Variants in BRI3 observed in about 807,000 individuals in gnomAD.
BRI3 encodes membrane protein BRI3.
A neutral mutation model predicts 12.8 loss-of-function variants in BRI3; 6 were observed. The ratio of observed to expected loss-of-function variants is 0.47; its 90% CI spans 0.26 to 0.93. BRI3 has a LOEUF of 0.93. Among genes scored for constraint, BRI3 ranks in the 40% least tolerant of loss-of-function variants. The pLI is 0.15. For missense variants in BRI3, 134 were observed against 171.1 expected (o/e 0.78, Z 1.21); for synonymous variants, 91 against 76.1 (o/e 1.20, Z -1.02).
intron 2 of BRI3, among the ~76,000 whole-genome samples, chr7:98,286,756 G>T (rs1799722481): frequency 6.6e-6 from 1 of 152,194 alleles, no homozygotes; most frequent in Non-Finnish European, 1.5e-5. Context: ...GAGGTCTAGG[G>T]CAGTACTGCA....
downstream of BRI3, among the ~76,000 whole-genome samples, chr7:98,296,898 C>T (rs1045751121): frequency 2.0e-5 from 3 of 152,198 alleles, no homozygotes; most frequent in Non-Finnish European, 2.9e-5. Flanking sequence ...CTGTCTCAAC[C>T]GCATACCTCA....
chr7:98,292,771 G>A, downstream of BRI3: 10 of 1,549,060 alleles, frequency 6.5e-6, no homozygotes, highest in Non-Finnish European at 8.7e-6. Context: ...AGCTGAGTGA[G>A]AACACAAGGA....
chr7:98,312,757 A>G (rs1800918455), downstream of BRI3, among the ~76,000 whole-genome samples: 1 of 51,598 alleles, frequency 1.9e-5, no homozygotes, highest in South Asian at 4.4e-4. Flanking sequence ...GGGAAGAGGG[A>G]CTGGGTGAGT....
intron 2 of BRI3, among the ~76,000 whole-genome samples, chr7:98,290,077 A>G (rs1799853578): frequency 6.6e-6 from 1 of 152,182 alleles, no homozygotes; most frequent in South Asian, 2.1e-4. Flanking sequence ...CGGAAATCGA[A>G]TAAAAGCCCA....
At position 98,282,397 on chromosome 7, in the gene BRI3, C is replaced by A; in HGVS notation, c.189C>A (p.Thr63=). 6.2e-7 allele frequency: 1 copy of A among 1,614,116 alleles called. No individual in the cohort carries two copies. Residue 63 remains threonine, a synonymous_variant, in exon 2 of 3, where the codon ACC becomes ACA. Transcript: ENST00000297290. ...GGGTCTACAACATCCACAGCCGGAC[C>A]GTCACCCGCTATCCTGCCAACTCTA... ...HPRVYNIHSR[T]VTRYPANSIV...
At chr7:98,290,968 G>T in intron 2 of BRI3, 143 bp from the exon 3 acceptor site, 1 of 727,404 alleles carries the variant, frequency 1.4e-6, no homozygotes, top group Non-Finnish European at 2.1e-6. Flanking sequence ...TGGTGGGGTG[G>T]GGGGCTGTTT....
chr7:98,317,465 C>G, the BRI3 span: 1 of 1,366,936 alleles, frequency 7.3e-7, no homozygotes, highest in Non-Finnish European at 1.0e-6. Flanking sequence ...GCCCTGACAC[C>G]CTCACTTCAC....
At chr7:98,304,447 C>G (rs1200007797), upstream of BRI3, 52 of 1,512,666 alleles carry the variant, frequency 3.4e-5, no homozygotes, top group Non-Finnish European at 4.7e-5. Context: ...TCCTCTGTGT[C>G]CCTGACCAAG....
downstream of BRI3, among the ~76,000 whole-genome samples, chr7:98,294,655 G>T: frequency 6.6e-6 from 1 of 152,246 alleles, no homozygotes; most frequent in East Asian, 1.9e-4. Flanking sequence ...CAGGTCCTCA[G>T]CCACGGTCTT....
At chr7:98,301,750 G>T (rs34695842), upstream of BRI3, among the ~76,000 whole-genome samples, 58,109 of 151,926 alleles carry the variant, frequency 0.38, 12,692 homozygotes, top group Middle Eastern at 0.54. Context: ...TGGCAGGTGC[G>T]GCCTGTGGAG....
At chr7:98,310,988 A>G (rs1403544311), downstream of BRI3, among the ~76,000 whole-genome samples, 1 of 152,074 alleles carries the variant, frequency 6.6e-6, no homozygotes, top group East Asian at 1.9e-4. Flanking sequence ...GACTGGCCAC[A>G]TTTCAGGGGG....
rs137943501 is a variant in BRI3, at chr7:98,291,209, G to T, written c.344G>T (p.Arg115Leu). 13 of 1,613,660 alleles carry T rather than the reference G, an allele frequency of 8.1e-6. No individual in the cohort carries two copies. The highest frequency in any genetic ancestry group is 1.1e-5 in the Non-Finnish European group (13 of 1,180,046). ...ATTTGCTGTTTTGCCTTGAGGAAGC[G>T]ACGATGCCCCAACTGTGGAGCCACC... ...GFICCFALRK[R>L]RCPNCGATFA Residue 115 changes from arginine to leucine, a missense_variant, in exon 3 of 3, where the codon CGA becomes CTA. Coordinates refer to ENST00000297290, the MANE Select transcript of BRI3 (RefSeq NM_015379.5).
At chr7:98,292,169 C>A, downstream of BRI3, 1 of 157,238 alleles carries the variant, frequency 6.4e-6, no homozygotes, top group Non-Finnish European at 1.4e-5. Flanking sequence ...TAACCTTTCC[C>A]AATCTCAGCC....
At chr7:98,288,058 C>T (rs1799771176) in intron 2 of BRI3, among the ~76,000 whole-genome samples, 1 of 152,174 alleles carries the variant, frequency 6.6e-6, no homozygotes, top group Admixed American at 6.5e-5. Context: ...GGGGTGCGGG[C>T]CTCTCCCCTA....
exon 2 of BRI3, chr7:98,307,943 C>G (rs1800722790): frequency 6.4e-7 from 1 of 1,567,542 alleles, no homozygotes; most frequent in African/African-American, 1.4e-5. Context: ...GCATGAGAAT[C>G]AATAGGCACA....
At chr7:98,292,539 C>T (rs545661348), downstream of BRI3, 234 of 1,167,350 alleles carry the variant, frequency 2.0e-4, no homozygotes, top group African/African-American at 2.7e-3. Context: ...TTTCCAGCCC[C>T]GGGCTCAGGG....
At chr7:98,300,942 G>T (rs377205079) in intron 1 of BRI3, among the ~76,000 whole-genome samples, 1 of 152,272 alleles carries the variant, frequency 6.6e-6, no homozygotes, top group Non-Finnish European at 1.5e-5. Flanking sequence ...CCCCTGATGC[G>T]TCCCAGGAAC....
exon 1 of BRI3, chr7:98,306,640 G>T: frequency 7.1e-7 from 1 of 1,400,278 alleles, no homozygotes; most frequent in East Asian, 2.4e-5. Flanking sequence ...CATGTGTGGA[G>T]GAAATGAAAT....
chr7:98,305,713 G>A (rs1413530485), upstream of BRI3, among the ~76,000 whole-genome samples: 4 of 152,138 alleles, frequency 2.6e-5, no homozygotes, highest in Non-Finnish European at 5.9e-5. Context: ...ACAAGCCACC[G>A]TGCCCGGCCA....
Sources: allele counts gnomAD v4.1 joint callset (sites outside exome capture counted in the v4.1 genomes callset), GRCh38; gene constraint gnomAD v4.1.1; transcripts MANE v1.5; gene names NCBI Gene and HGNC (gene_info 2026-07-23, HGNC 2026-07-21).